Variants in ABCA5 observed in about 807,000 individuals in gnomAD.
ABCA5 encodes ATP binding cassette subfamily A member 5, also known as cholesterol transporter ABCA5.
ABCA5 carries 163 observed loss-of-function variants against 206.0 expected under a neutral mutation model. The observed-to-expected ratio is 0.79, with a 90% CI of 0.70 to 0.90. The LOEUF is 0.90. Ranked by LOEUF, ABCA5 falls within the 40% of genes least tolerant of loss-of-function variation. The probability of loss-of-function intolerance (pLI) is 0.00; values close to 1 mark genes in which losing one functional copy is unlikely to be tolerated. For synonymous variants in ABCA5, 609 were observed against 613.8 expected, an observed-to-expected ratio of 0.99 and a Z score of 0.11; for missense variants, 1,859 against 1,912.9, an observed-to-expected ratio of 0.97 and a Z score of 0.53.
intron 3 of ABCA5, among the ~76,000 whole-genome samples, chr17:69,311,537 T>C (rs1217513803): frequency 6.6e-6 from 1 of 152,186 alleles, no homozygotes; most frequent in Non-Finnish European, 1.5e-5. Context: ...GTCGCCAGGC[T>C]TGAGTGCAGT....
chr17:69,283,005 T>A (rs904320820), intron 18 of ABCA5, among the ~76,000 whole-genome samples: 104 of 119,316 alleles, frequency 8.7e-4, no homozygotes, highest in Non-Finnish European at 1.5e-3. Flanking sequence ...TTTTTTTTTT[T>A]AAACAGGGTC....
chr17:69,307,293 T>G (rs780823597), intron 5 of ABCA5, among the ~76,000 whole-genome samples: 2 of 152,190 alleles, frequency 1.3e-5, no homozygotes, highest in East Asian at 3.9e-4. Context: ...ATCTTCAAAA[T>G]TTAGGAATTT....
chr17:69,301,191 A>C lies in ABCA5; in HGVS notation c.1215T>G (p.Leu405=). 1 of 1,599,916 alleles carries C rather than the reference A, an allele frequency of 6.3e-7. No homozygotes were observed. Among genetic ancestry groups the C allele is most frequent in the East Asian group, 2.3e-5 (1 of 43,900 alleles). The change falls in exon 9 of 39, where the codon CTT becomes CTG. Residue 405 remains leucine (L), a synonymous_variant. Transcript: ENST00000392676. ...PLIITIIMLT[L]NSIFYVLLAV... Reference sequence around the variant, plus strand: ...CCAAGAGGACATAGAATATACTATTAAGTGTGAGCATGATAATTGTAATAA... The same window carrying C: ...CCAAGAGGACATAGAATATACTATTCAGTGTGAGCATGATAATTGTAATAA...
chr17:69,285,845 T>G (rs2075445085), intron 17 of ABCA5, 53 bp downstream of exon 17: 2 of 1,525,952 alleles, frequency 1.3e-6, no homozygotes, highest in Admixed American at 4.0e-5. Context: ...ATGAAACCTA[T>G]TCCCAATATA....
chr17:69,292,937 T>A (rs1457646362), intron 11 of ABCA5, among the ~76,000 whole-genome samples: 1 of 152,198 alleles, frequency 6.6e-6, no homozygotes, highest in African/African-American at 2.4e-5. Flanking sequence ...CAAATGCCAA[T>A]AATCATATAA....
chr17:69,301,585 TAAAAAC>T (rs2075652807), intron 8 of ABCA5, among the ~76,000 whole-genome samples: 2 of 151,870 alleles, frequency 1.3e-5, no homozygotes, highest in Non-Finnish European at 2.9e-5. Context: ...ACAAATGAAA[TAAAAAC>T]AAACTGCAAT....
chr17:69,308,838 T>A (rs970395137), intron 4 of ABCA5, among the ~76,000 whole-genome samples: 1 of 152,126 alleles, frequency 6.6e-6, no homozygotes, highest in South Asian at 2.1e-4. Context: ...TTGATAATAT[T>A]TCTTCATAGA....
At chr17:69,248,147 TG>T in intron 38 of ABCA5, 114 bp downstream of exon 38, 2 of 604,492 alleles carry the variant, frequency 3.3e-6, no homozygotes, top group Non-Finnish European at 5.8e-6. Flanking sequence ...AAGATCATTC[TG>T]TACCAATTTG....
chr17:69,292,787 G>A (rs942695411), intron 11 of ABCA5, among the ~76,000 whole-genome samples: 4 of 152,148 alleles, frequency 2.6e-5, no homozygotes, highest in African/African-American at 9.7e-5. Context: ...TAAGACTTGT[G>A]TTTGTCAAAA....
Position 69,256,066 on chromosome 17 carries a change from T to C in ABCA5, c.3858+91A>G, listed in dbSNP as rs866226567. 4.0e-5 allele frequency: 57 copies of C among 1,428,124 alleles called. No individual in the cohort carries two copies. In the South Asian group the frequency reaches 8.7e-4, roughly 22 times the overall value. 88.5% of individuals were successfully genotyped at this position (1,428,124 alleles called of 1,614,324 possible). A position where few individuals can be genotyped will look rare whatever the true frequency, so the allele number is the denominator to read the frequency against. On this transcript the variant is annotated intron_variant, in intron 29 of 38. Transcript: ENST00000392676. ...AAGATTTTTTTCAGATTGCTTCATATGCAAAGAAAAATATTTTTCAGATTA... is the reference window on the plus strand; with the variant it reads ...AAGATTTTTTTCAGATTGCTTCATACGCAAAGAAAAATATTTTTCAGATTA...
intron 28 of ABCA5, among the ~76,000 whole-genome samples, chr17:69,257,495 A>G (rs1317377237): frequency 2.0e-5 from 3 of 152,150 alleles, no homozygotes; most frequent in Non-Finnish European, 4.4e-5. Context: ...GTATCAATGG[A>G]AAGGTAAGGG....
intron 9 of ABCA5, among the ~76,000 whole-genome samples, chr17:69,300,872 G>T (rs1056572902): frequency 6.6e-6 from 1 of 152,050 alleles, no homozygotes; most frequent in Admixed American, 6.6e-5. Context: ...AATTAAAAAA[G>T]ACTGATATAA....
intron 4 of ABCA5, 36 bp from the exon 5 acceptor site, chr17:69,308,404 A>G (rs745996635): frequency 9.2e-6 from 13 of 1,414,940 alleles, no homozygotes; most frequent in African/African-American, 2.8e-5. Flanking sequence ...AAGATTCTGT[A>G]CAACATGCAA....
At chr17:69,304,561 T>A in intron 7 of ABCA5, 108 bp downstream of exon 7, 2 of 971,352 alleles carry the variant, frequency 2.1e-6, no homozygotes, top group South Asian at 5.3e-5. Context: ...ATTAGTAAAA[T>A]CTGTCTTTCA....
rs79944616 is a variant in ABCA5 at position 69,316,724 on chromosome 17, A to T, written c.-15-2294T>A. Among the ~76,000 whole-genome samples, 14 of 152,338 alleles carry T rather than the reference A, an allele frequency of 9.2e-5. No homozygotes were observed. The East Asian group carries it at 2.7e-3, about 29-fold the overall frequency. On this transcript the variant is annotated intron_variant, in intron 1 of 38. Transcript: ENST00000392676. Reference sequence around the variant, plus strand: ...AAGAAAATCCATGCCTATACACATTATAATTAGACTGCTGAAAATTAAGAC... The same window carrying T: ...AAGAAAATCCATGCCTATACACATTTTAATTAGACTGCTGAAAATTAAGAC...
At position 69,264,906 on chromosome 17, in the gene ABCA5, C is replaced by A; in HGVS notation, c.3145-1G>T. 1.4e-6 allele frequency: 2 copies of A among 1,475,880 alleles called. No homozygotes were observed. The highest frequency in any genetic ancestry group is 9.0e-7 in the Non-Finnish European group (1 of 1,115,790). The allele number at this position is 1,475,880 out of a possible 1,614,324, so 91.4% of individuals were successfully genotyped here. ...GTTTAAGTTGAGTATAAGCTTTGAT[C>A]TAAAAAAAATGAAAAACAATTTATT... On this transcript the variant is annotated splice_acceptor_variant, in intron 23 of 38. Transcript: ENST00000392676. LOFTEE classifies it high-confidence loss of function.
chr17:69,324,379 A>G (rs2075884686), intron 1 of ABCA5, among the ~76,000 whole-genome samples: 1 of 152,238 alleles, frequency 6.6e-6, no homozygotes, highest in Non-Finnish European at 1.5e-5. Context: ...TACCTGCCAT[A>G]TGGCAGAGGC....
chr17:69,313,260 T>C lies in ABCA5; in HGVS notation c.139A>G (p.Ile47Val), dbSNP rs772531138. Residue 47 changes from isoleucine to valine, a missense_variant, in exon 3 of 39, where the codon ATA becomes GTA. Physicochemically the swap from Ile to Val is conservative, Grantham distance 29. Coordinates refer to ENST00000392676, the MANE Select transcript of ABCA5 (RefSeq NM_172232.4). ...LFPLFFLFWLILISMMHPNKK... is the reference protein window; with the variant it reads ...LFPLFFLFWLVLISMMHPNKK... ...TTTGGATGCATCATGCTAATTAATA[T>C]TAACCAAAATAAAAAAAATAGTGGA... is the stretch of plus-strand genomic sequence containing the variant. The C allele has an allele frequency of 1.4e-6, 2 of 1,460,066 alleles. No homozygotes were observed. Among genetic ancestry groups the C allele is most frequent in the Non-Finnish European group, 1.9e-6 (2 of 1,055,856 alleles). The allele number at this position is 1,460,066 out of a possible 1,614,324, so 90.4% of individuals were successfully genotyped here.
chr17:69,309,028 A>AAT (rs2075745389), intron 4 of ABCA5, among the ~76,000 whole-genome samples: 2 of 152,198 alleles, frequency 1.3e-5, no homozygotes, highest in South Asian at 2.1e-4. Context: ...TACTGTATTT[A>AAT]ATATATATAA....
Sources: gnomAD v4.1 joint callset for allele counts (sites outside exome capture counted in the v4.1 genomes callset) on GRCh38, gnomAD v4.1.1 for gene constraint, MANE v1.5 for transcripts, NCBI Gene and HGNC (gene_info 2026-07-23, HGNC 2026-07-21) for gene names.